MEGF11: variants seen among roughly 807,000 people sequenced by gnomAD.
MEGF11 encodes the protein multiple EGF like domains 11.
In MEGF11, 126 loss-of-function variants were observed where a neutral mutation model predicts 146.6. That is an observed-to-expected ratio of 0.86 (90% CI 0.74 to 1.00). The LOEUF (loss-of-function observed/expected upper bound fraction) is 1.00, where lower values mean the gene tolerates loss of function less well. MEGF11 is among the 50% of genes least tolerant of loss of function. The pLI is 0.00. For missense variants in MEGF11, 1,509 were observed against 1,521.2 expected, an observed-to-expected ratio of 0.99 and a Z score of 0.13; for synonymous variants, 532 against 583.4, an observed-to-expected ratio of 0.91 and a Z score of 1.27.
At chr15:66,136,995 C>T (rs1186514593) in intron 1 of MEGF11, among the ~76,000 whole-genome samples, 3 of 152,122 alleles carry the variant, frequency 2.0e-5, no homozygotes, top group African/African-American at 7.2e-5. Flanking sequence ...AGCATCCTCT[C>T]CAGCCTGGGT....
intron 5 of MEGF11, among the ~76,000 whole-genome samples, chr15:66,058,861 A>T (rs2084783814): frequency 6.6e-6 from 1 of 152,038 alleles, no homozygotes; most frequent in South Asian, 2.1e-4. Flanking sequence ...AAATCCTGAA[A>T]TATCTCCATA....
Position 65,964,169 on chromosome 15 carries a change from A to AG in MEGF11, c.1112+738dup, listed in dbSNP as rs533380954. On this transcript the variant is annotated intron_variant, in intron 9 of 25. Coordinates refer to ENST00000395614, the MANE Select transcript of MEGF11 (RefSeq NM_001385028.1). ...GTGCCAGCTGGTGCGTGAAGCGGGC[A>AG]GGGAGGGGAGCTGGGAGCAGTAGCC... Among the ~76,000 whole-genome samples, 482 of 152,326 alleles carry AG rather than the reference A, an allele frequency of 3.2e-3. 3 individuals are homozygous for AG. Among genetic ancestry groups the AG allele is most frequent in the Middle Eastern group, 6.8e-3 (2 of 294 alleles).
At chr15:66,047,634 T>C (rs1414162745) in intron 5 of MEGF11, among the ~76,000 whole-genome samples, 1 of 152,212 alleles carries the variant, frequency 6.6e-6, no homozygotes, top group Non-Finnish European at 1.5e-5. Flanking sequence ...CTGTTTTTAA[T>C]CCCTTTTTCC....
chr15:66,074,451 A>G (rs955600018), intron 5 of MEGF11, among the ~76,000 whole-genome samples: 1 of 152,246 alleles, frequency 6.6e-6, no homozygotes, highest in African/African-American at 2.4e-5. Context: ...ACCATTATGA[A>G]CAATAATGCA....
At chr15:66,028,359 A>G (rs910188288) in intron 5 of MEGF11, among the ~76,000 whole-genome samples, 3 of 152,248 alleles carry the variant, frequency 2.0e-5, no homozygotes, top group African/African-American at 7.2e-5. Flanking sequence ...TACACTTCCT[A>G]GATTAGCAAT....
intron 1 of MEGF11, among the ~76,000 whole-genome samples, chr15:66,131,812 C>T (rs2088656993): frequency 6.6e-6 from 1 of 152,194 alleles, no homozygotes; most frequent in Non-Finnish European, 1.5e-5. Flanking sequence ...GACCATTTGA[C>T]TTTTTATTTC....
In MEGF11 at chr15:66,094,420, C is replaced by T. The variant is rs2086448713; in HGVS notation, c.376G>A (p.Gly126Arg). 6.4e-7 allele frequency: 1 copy of T among 1,560,416 alleles called. No individual in the cohort carries two copies. Among genetic ancestry groups the T allele is most frequent in the Non-Finnish European group, 8.7e-7 (1 of 1,151,402 alleles). ...GACTCACCGCTGGAGCAGTCGGGCC[C>T]TCCCCAGCCAGGCTCGCAGTGGCAG... is the stretch of plus-strand genomic sequence containing the variant. The part of the protein sequence containing the change: ...DTCHCEPGWG[G>R]PDCSSGCDSD... Residue 126 changes from glycine to arginine, a missense_variant, in exon 5 of 26, where the codon GGG becomes AGG. By Grantham distance (125) the Gly-to-Arg change is moderately radical. Coordinates refer to ENST00000395614, the MANE Select transcript of MEGF11 (RefSeq NM_001385028.1).
In MEGF11 at chr15:66,013,359, C is replaced by T. The variant is rs138369056; in HGVS notation, c.395-30871G>A. Among the ~76,000 whole-genome samples the T allele has an allele frequency of 1.2e-4, 19 of 152,234 alleles. 1 individual carries two copies. The highest frequency in any genetic ancestry group is 3.9e-4 in the African/African-American group (16 of 41,518). On this transcript the variant is annotated intron_variant, in intron 5 of 25. Transcript: ENST00000395614. ...CTGTCTGGGCCTTGAGAATTCAGGC[C>T]TCCCACCCCCACCCCAGGTCTCCAG...
chr15:66,037,348 G>C (rs1326807966), intron 5 of MEGF11, among the ~76,000 whole-genome samples: 1 of 152,192 alleles, frequency 6.6e-6, no homozygotes, highest in Non-Finnish European at 1.5e-5. Context: ...CCCACTATCT[G>C]CCAAAATGAG....
chr15:65,970,853 G>A (rs1392514724), intron 7 of MEGF11, 164 bp from the exon 8 acceptor site: 4 of 704,930 alleles, frequency 5.7e-6, no homozygotes, highest in South Asian at 3.8e-5. Context: ...GATGGGAGAT[G>A]GGAGACTGAG....
intron 6 of MEGF11, 136 bp from the exon 7 acceptor site, chr15:65,981,034 C>A (rs571064882): frequency 1.5e-5 from 17 of 1,146,452 alleles, no homozygotes; most frequent in Admixed American, 1.4e-4. Context: ...GAACTGCAGT[C>A]CTGCTCCCTG....
intron 10 of MEGF11, among the ~76,000 whole-genome samples, chr15:65,935,816 G>A (rs1002582072): frequency 6.6e-6 from 1 of 152,206 alleles, no homozygotes; most frequent in Non-Finnish European, 1.5e-5. Context: ...ACAAGCACAA[G>A]TATTACACTA....
chr15:66,105,349 A>G (rs1409632848), intron 4 of MEGF11, among the ~76,000 whole-genome samples: 1 of 152,178 alleles, frequency 6.6e-6, no homozygotes, highest in Admixed American at 6.5e-5. Context: ...CCCTTCTGCA[A>G]GGCCGGGCCC....
At chr15:66,135,206 T>C (rs1012557472) in intron 1 of MEGF11, among the ~76,000 whole-genome samples, 1 of 152,022 alleles carries the variant, frequency 6.6e-6, no homozygotes, top group Non-Finnish European at 1.5e-5. Flanking sequence ...CCTCAAAGAC[T>C]CTTCTAACTC....
intron 4 of MEGF11, among the ~76,000 whole-genome samples, chr15:66,115,877 C>T (rs1199265150): frequency 2.0e-5 from 3 of 152,238 alleles, no homozygotes; most frequent in African/African-American, 4.8e-5. Flanking sequence ...ACAGACCCTT[C>T]GCCCAGCCCC....
chr15:65,999,727 C>T (rs1009900541), intron 5 of MEGF11, among the ~76,000 whole-genome samples: 18 of 152,060 alleles, frequency 1.2e-4, no homozygotes, highest in African/African-American at 4.1e-4. Flanking sequence ...AGGAGGTGCT[C>T]GGTACTACAT....
intron 4 of MEGF11, among the ~76,000 whole-genome samples, chr15:66,096,977 G>C (rs536793855): frequency 6.2e-4 from 94 of 152,258 alleles, no homozygotes; most frequent in Non-Finnish European, 1.1e-3. Context: ...CCAGCCCCTA[G>C]ACCCTGGTAA....
chr15:66,031,231 A>C (rs1019363598), intron 5 of MEGF11, among the ~76,000 whole-genome samples: 4 of 152,190 alleles, frequency 2.6e-5, no homozygotes, highest in African/African-American at 9.6e-5. Flanking sequence ...GTACCCGCTA[A>C]TTAACATCTG....
intron 4 of MEGF11, among the ~76,000 whole-genome samples, chr15:66,117,406 G>A (rs1454924583): frequency 1.3e-5 from 2 of 152,170 alleles, no homozygotes; most frequent in Non-Finnish European, 2.9e-5. Context: ...AAGTCGGAAG[G>A]TATAAACTGC....
Sources: gnomAD v4.1 joint callset for allele counts (sites outside exome capture counted in the v4.1 genomes callset) on GRCh38, gnomAD v4.1.1 for gene constraint, MANE v1.5 for transcripts, NCBI Gene and HGNC (gene_info 2026-07-23, HGNC 2026-07-21) for gene names.